The following IGSF11 variants were observed in gnomAD, a reference collection of about 807,000 sequenced individuals.
IGSF11 encodes the protein CXADR like 1.
IGSF11 carries 22 observed loss-of-function variants against 41.0 expected under a neutral mutation model. That is an observed-to-expected ratio of 0.54 (90% CI 0.38 to 0.77). IGSF11 has a LOEUF of 0.77. IGSF11 is among the 30% of genes least tolerant of loss of function. IGSF11 has a pLI of 0.00. For missense variants in IGSF11, 444 were observed against 530.8 expected (o/e 0.84, Z 1.61); for synonymous variants, 219 against 201.3 (o/e 1.09, Z -0.74).
At chr3:119,090,011 C>G (rs1486628103) in intron 1 of IGSF11, among the ~76,000 whole-genome samples, 1 of 151,986 alleles carries the variant, frequency 6.6e-6, no homozygotes, top group Non-Finnish European at 1.5e-5. Flanking sequence ...GGCAACAGAG[C>G]CACAATCAGT....
chr3:119,046,538 G>A (rs1020412109), intron 1 of IGSF11, among the ~76,000 whole-genome samples: 1 of 151,674 alleles, frequency 6.6e-6, no homozygotes, highest in Non-Finnish European at 1.5e-5. Flanking sequence ...TGAAAGTGAT[G>A]GGGAGAATGG....
chr3:119,133,794 CTAAT>C (rs1319207987), intron 1 of IGSF11, among the ~76,000 whole-genome samples: 1 of 152,154 alleles, frequency 6.6e-6, no homozygotes, highest in African/African-American at 2.4e-5. Context: ...ACCAATATCC[CTAAT>C]TAACATCGAT....
chr3:118,943,767 C>G (rs935088662), intron 1 of IGSF11, among the ~76,000 whole-genome samples: 1 of 152,196 alleles, frequency 6.6e-6, no homozygotes, highest in Non-Finnish European at 1.5e-5. Flanking sequence ...GAAATGCTAT[C>G]TAGAGTTTCC....
chr3:119,056,144 A>T (rs1338653448), intron 1 of IGSF11, among the ~76,000 whole-genome samples: 1 of 151,678 alleles, frequency 6.6e-6, no homozygotes, highest in Admixed American at 6.5e-5. Context: ...AAGGAAATAG[A>T]GACAAAAAAA....
chr3:119,130,396 G>A (rs1007111617), intron 1 of IGSF11, among the ~76,000 whole-genome samples: 1 of 152,224 alleles, frequency 6.6e-6, no homozygotes, highest in African/African-American at 2.4e-5. Context: ...GAGCAGACCA[G>A]GAGATTCTCT....
intron 4 of IGSF11, among the ~76,000 whole-genome samples, chr3:118,920,157 G>C (rs2107512682): frequency 6.8e-6 from 1 of 147,048 alleles, no homozygotes; most frequent in South Asian, 2.2e-4. Flanking sequence ...TATACCTAAG[G>C]CTAGATGACG....
intron 1 of IGSF11, among the ~76,000 whole-genome samples, chr3:119,095,755 G>T (rs2076839150): frequency 6.6e-6 from 1 of 152,164 alleles, no homozygotes; most frequent in Admixed American, 6.5e-5. Context: ...CACTAAACTT[G>T]GAGATTCAGC....
chr3:119,068,789 A>C (rs1010448269), intron 1 of IGSF11, among the ~76,000 whole-genome samples: 3 of 152,184 alleles, frequency 2.0e-5, no homozygotes, highest in African/African-American at 7.2e-5. Context: ...CTTCATACTG[A>C]CTCACATGAT....
At chr3:119,108,903 A>G (rs1266263545), upstream of IGSF11, among the ~76,000 whole-genome samples, 68 of 136,726 alleles carry the variant, frequency 5.0e-4, no homozygotes, top group African/African-American at 1.7e-3. Flanking sequence ...ATTGATTTGC[A>G]TATATTGAAC....
intron 1 of IGSF11, among the ~76,000 whole-genome samples, chr3:119,001,303 C>A (rs902826217): frequency 3.3e-5 from 5 of 151,146 alleles, no homozygotes; most frequent in Non-Finnish European, 5.9e-5. Flanking sequence ...TATTTATTTT[C>A]TGTCTTTTGC....
At chr3:118,961,542 G>A (rs1945333239) in intron 1 of IGSF11, among the ~76,000 whole-genome samples, 2 of 152,134 alleles carry the variant, frequency 1.3e-5, no homozygotes, top group Admixed American at 1.3e-4. Context: ...ACCACACAGT[G>A]AATAAGTTAG....
At chr3:118,938,314 T>G (rs1943431942) in intron 1 of IGSF11, among the ~76,000 whole-genome samples, 1 of 152,214 alleles carries the variant, frequency 6.6e-6, no homozygotes, top group Non-Finnish European at 1.5e-5. Flanking sequence ...ACACCAGGCC[T>G]GCATTTCGCA....
chr3:118,930,159 C>A lies in IGSF11; in HGVS notation c.169G>T (p.Val57Phe). Residue 57 changes from valine (V) to phenylalanine (F), a missense_variant, in exon 2 of 7, where the codon GTC becomes TTC. Around this residue, in one of 3 missense-constraint regions of IGSF11, gnomAD observed 193 missense variants for 283.5 expected, o/e 0.68. Transcript: ENST00000393775. ...TTSAALINLNVIWMVTPLSNA... is the reference protein window; with the variant it reads ...TTSAALINLNFIWMVTPLSNA... ...GAGAGAGGAGTGACCATCCAAATGA[C>A]ATTGAGGTTAATGAGGGCAGCGCTG... The A allele has an allele frequency of 6.2e-7, 1 of 1,613,974 alleles. No individual in the cohort carries two copies. Among genetic ancestry groups the A allele is most frequent in the Non-Finnish European group, 8.5e-7 (1 of 1,179,922 alleles).
chr3:119,061,030 C>G (rs1476475505), intron 1 of IGSF11, among the ~76,000 whole-genome samples: 2 of 151,962 alleles, frequency 1.3e-5, no homozygotes, highest in Non-Finnish European at 2.9e-5. Flanking sequence ...AATTGGAACT[C>G]AAAAACAGTG....
chr3:118,924,190 A>C (rs1290867846), intron 4 of IGSF11, among the ~76,000 whole-genome samples: 2 of 152,122 alleles, frequency 1.3e-5, no homozygotes, highest in Non-Finnish European at 2.9e-5. Flanking sequence ...GAATTGTCCT[A>C]GATTTGGCCA....
chr3:118,949,726 T>C (rs916313126), intron 1 of IGSF11, among the ~76,000 whole-genome samples: 16 of 152,198 alleles, frequency 1.1e-4, no homozygotes, highest in African/African-American at 3.9e-4. Context: ...ATCCAAAGCT[T>C]GCATAAAGTA....
At chr3:119,082,262 T>C (rs2076597347) in intron 1 of IGSF11, among the ~76,000 whole-genome samples, 1 of 152,138 alleles carries the variant, frequency 6.6e-6, no homozygotes, top group Non-Finnish European at 1.5e-5. Context: ...AAAAGTAAGA[T>C]AAAATGTGAG....
chr3:119,000,149 C>G (rs922504929), intron 1 of IGSF11, among the ~76,000 whole-genome samples: 2 of 142,752 alleles, frequency 1.4e-5, no homozygotes, highest in African/African-American at 5.4e-5. Context: ...TCCTACCTCT[C>G]TGGCTGCTCT....
At chr3:119,135,310 C>T (rs1246131791) in intron 1 of IGSF11, among the ~76,000 whole-genome samples, 2 of 152,016 alleles carry the variant, frequency 1.3e-5, no homozygotes, top group African/African-American at 2.4e-5. Flanking sequence ...TGCAATCTAC[C>T]CATCTGACAA....
Sources: allele counts gnomAD v4.1 joint callset (sites outside exome capture counted in the v4.1 genomes callset), GRCh38; gene constraint gnomAD v4.1.1; regional missense constraint gnomAD v4.1.1; transcripts MANE v1.5; gene names NCBI Gene and HGNC (gene_info 2026-07-23, HGNC 2026-07-21).